Variants in OLFML2B observed in about 807,000 individuals in gnomAD.
The protein encoded by OLFML2B is olfactomedin like 2B, also known as olfactomedin-like protein 2B.
A neutral mutation model predicts 74.9 loss-of-function variants in OLFML2B; 57 were observed. The observed-to-expected ratio is 0.76, with a 90% CI of 0.61 to 0.95. The LOEUF (loss-of-function observed/expected upper bound fraction) is 0.95, where lower values mean the gene tolerates loss of function less well. OLFML2B is among the 40% of genes least tolerant of loss of function. OLFML2B has a pLI of 0.00. For missense variants in OLFML2B, 986 were observed against 970.6 expected (o/e 1.02, Z -0.21); for synonymous variants, 388 against 405.8 (o/e 0.96, Z 0.53).
At chr1:162,000,453 G>T in intron 4 of OLFML2B, 115 bp from the exon 5 acceptor site, 1 of 721,994 alleles carries the variant, frequency 1.4e-6, no homozygotes, top group Non-Finnish European at 2.3e-6. Flanking sequence ...CTTCCGAAGA[G>T]CCAGGCACTG....
chr1:162,016,489 C>T (rs1690541027), intron 3 of OLFML2B, among the ~76,000 whole-genome samples: 1 of 152,182 alleles, frequency 6.6e-6, no homozygotes, highest in South Asian at 2.1e-4. Context: ...GATATGTTTA[C>T]AGTCATTGTG....
At chr1:162,004,880 C>T (rs1690177342) in intron 4 of OLFML2B, among the ~76,000 whole-genome samples, 1 of 152,232 alleles carries the variant, frequency 6.6e-6, no homozygotes, top group African/African-American at 2.4e-5. Flanking sequence ...GGAACCCACT[C>T]CCTGGGCACC....
At chr1:161,994,829 T>C (rs1275290858) in intron 6 of OLFML2B, among the ~76,000 whole-genome samples, 2 of 152,180 alleles carry the variant, frequency 1.3e-5, no homozygotes, top group African/African-American at 2.4e-5. Flanking sequence ...AGGATAATGG[T>C]AGACATTTTA....
At chr1:161,998,845 C>T (rs141867595) in intron 5 of OLFML2B, among the ~76,000 whole-genome samples, 36 of 152,298 alleles carry the variant, frequency 2.4e-4, no homozygotes, top group Non-Finnish European at 1.6e-4. Flanking sequence ...GGAAGGGAAA[C>T]TTGCAGAGAA....
Position 162,023,375 on chromosome 1 carries a change from C to T in OLFML2B, c.56G>A (p.Trp19Ter). 1 of 1,603,964 alleles carries T rather than the reference C, an allele frequency of 6.2e-7. No individual in the cohort carries two copies. The highest frequency in any genetic ancestry group is 8.5e-7 in the Non-Finnish European group (1 of 1,174,116). ...LYFALIVVPA[W>*]VSSIVLTGTS... ...CCCTGTGAGGACAATGCTGGACACC[C>T]AGGCCGGAACCACAATCAGAGCGAA... is the stretch of plus-strand genomic sequence containing the variant. The change falls in exon 1 of 8, where the codon TGG (tryptophan) becomes TAG (stop). Residue 19 changes from tryptophan to a stop codon, truncating the protein, a stop_gained. Coordinates refer to ENST00000294794, the MANE Select transcript of OLFML2B (RefSeq NM_015441.3). LOFTEE classifies it high-confidence loss of function.
At position 161,984,904 on chromosome 1, in the gene OLFML2B, C is replaced by T. The variant is rs1481045203; in HGVS notation, c.1551G>A (p.Trp517Ter). The T allele has an allele frequency of 1.9e-6, 3 of 1,612,154 alleles. No individual in the cohort carries two copies. Among genetic ancestry groups the T allele is most frequent in the East Asian group, 2.2e-5 (1 of 44,808 alleles). ...CATCCTTGGCCAGGGGGTCCTTCAT[C>T]CAGGCCCCTTCATTCCGCCCATATG... is the stretch of plus-strand genomic sequence containing the variant. ...QNTYGRNEGA[W>*]MKDPLAKDER... is the part of the protein sequence containing the mutation. Residue 517 changes from tryptophan (W) to a stop codon, truncating the protein, a stop_gained, in exon 7 of 8, where the codon TGG (tryptophan) becomes TGA (stop). Coordinates refer to ENST00000294794, the MANE Select transcript of OLFML2B (RefSeq NM_015441.3). LOFTEE classifies it high-confidence loss of function.
chr1:162,002,248 C>A (rs1271525736), intron 4 of OLFML2B, among the ~76,000 whole-genome samples: 1 of 152,222 alleles, frequency 6.6e-6, no homozygotes, highest in Non-Finnish European at 1.5e-5. Flanking sequence ...CCCTGCTCTC[C>A]CCAGGACTCC....
At chr1:162,018,708 C>T (rs906260864) in intron 2 of OLFML2B, among the ~76,000 whole-genome samples, 6 of 152,166 alleles carry the variant, frequency 3.9e-5, no homozygotes, top group African/African-American at 4.8e-5. Context: ...ATGATGAGGG[C>T]CAGTTCTTGG....
chr1:161,991,538 C>T (rs906838725), intron 6 of OLFML2B, among the ~76,000 whole-genome samples: 20 of 152,130 alleles, frequency 1.3e-4, no homozygotes, highest in African/African-American at 4.8e-4. Context: ...AGTTTGAGAC[C>T]AGCCTGGCCA....
intron 6 of OLFML2B, among the ~76,000 whole-genome samples, chr1:161,987,399 A>G (rs1689619608): frequency 6.6e-6 from 1 of 152,208 alleles, no homozygotes; most frequent in African/African-American, 2.4e-5. Context: ...GTCCTATTGA[A>G]TAAATACAGT....
At chr1:161,986,337 C>A (rs1201740478) in intron 6 of OLFML2B, among the ~76,000 whole-genome samples, 1 of 152,222 alleles carries the variant, frequency 6.6e-6, no homozygotes, top group Non-Finnish European at 1.5e-5. Context: ...CTACTCTGCT[C>A]CCCGCAGTGG....
chr1:161,986,770 G>A (rs1246667792), intron 6 of OLFML2B, among the ~76,000 whole-genome samples: 1 of 152,206 alleles, frequency 6.6e-6, no homozygotes, highest in Admixed American at 6.5e-5. Context: ...CTCACCATGA[G>A]GATTGCCATC....
intron 2 of OLFML2B, among the ~76,000 whole-genome samples, chr1:162,018,412 T>C (rs1442855147): frequency 6.6e-6 from 1 of 152,198 alleles, no homozygotes; most frequent in African/African-American, 2.4e-5. Flanking sequence ...TACATGTCAA[T>C]ACCCTGAGGA....
At chr1:162,012,642 C>A (rs1044856807) in intron 3 of OLFML2B, among the ~76,000 whole-genome samples, 10 of 152,326 alleles carry the variant, frequency 6.6e-5, no homozygotes, top group Middle Eastern at 3.4e-3. Flanking sequence ...GAAAGAGATA[C>A]ACACACCAGA....
chr1:161,984,273 CGA>C lies in OLFML2B; in HGVS notation c.1653_1654del (p.Arg552LeufsTer51). On this transcript the variant is annotated frameshift_variant and splice_region_variant, in exon 8 of 8. Coordinates refer to ENST00000294794, the MANE Select transcript of OLFML2B (RefSeq NM_015441.3). LOFTEE classifies it high-confidence loss of function. ...CGGGAGCTTGTAGGAATTGCTCCAG[CGA>C]CCTGCAGGTGGGGAGAAAACAGGAG... 1 of 1,518,056 alleles carries C rather than the reference CGA, an allele frequency of 6.6e-7. No individual in the cohort carries two copies. The highest frequency in any genetic ancestry group is 8.8e-7 in the Non-Finnish European group (1 of 1,133,888). The allele number at this position is 1,518,056 out of a possible 1,614,324, so 94.0% of individuals were successfully genotyped here. A position where few individuals can be genotyped will look rare whatever the true frequency, so the allele number is the denominator to read the frequency against.
chr1:162,014,496 C>T (rs1690477778), intron 3 of OLFML2B, among the ~76,000 whole-genome samples: 1 of 152,200 alleles, frequency 6.6e-6, no homozygotes, highest in Admixed American at 6.5e-5. Context: ...TCCAATCTGA[C>T]CCCTTTTTTG....
rs201844846 is a variant in OLFML2B at position 161,984,823 on chromosome 1, G to A, written c.1632C>T (p.Asn544=). Residue 544 remains asparagine (N), a synonymous_variant, in exon 7 of 8, where the codon AAC becomes AAT. Transcript: ENST00000294794. ...ATGTACCTTGTTTGAAGTTCTCCAG[G>A]TTCCGGAACTCTACCAGGGTGTTGC... ...YYGNTLVEFR[N]LENFKQGRWS... 5.7e-4 allele frequency: 913 copies of A among 1,613,440 alleles called. 1 individual carries two copies. Among genetic ancestry groups the A allele is most frequent in the Non-Finnish European group, 7.5e-4 (887 of 1,179,880 alleles).
chr1:162,020,532 C>CT (rs371188572), intron 1 of OLFML2B, among the ~76,000 whole-genome samples: 5,595 of 145,812 alleles, frequency 0.038, 135 homozygotes, highest in African/African-American at 0.068. Flanking sequence ...CTTTCTTTTT[C>CT]TTTTTTTTTT....
chr1:162,019,915 C>T lies in OLFML2B; in HGVS notation c.438+4G>A, dbSNP rs1167286481. 1.2e-6 allele frequency: 2 copies of T among 1,613,984 alleles called. No individual in the cohort carries two copies. Among genetic ancestry groups the T allele is most frequent in the Admixed American group, 1.7e-5 (1 of 60,024 alleles). Reference sequence around the variant, plus strand: ...CCAAGGCATTGCCCCATACCAGGTCCTACCTTCAAGTCCTGGCTGTCTGCC... The same window carrying T: ...CCAAGGCATTGCCCCATACCAGGTCTTACCTTCAAGTCCTGGCTGTCTGCC... On this transcript the variant is annotated splice_donor_region_variant and intron_variant, in intron 2 of 7. Coordinates refer to ENST00000294794, the MANE Select transcript of OLFML2B (RefSeq NM_015441.3).
Sources: allele counts gnomAD v4.1 joint callset (sites outside exome capture counted in the v4.1 genomes callset), GRCh38; gene constraint gnomAD v4.1.1; transcripts MANE v1.5; gene names NCBI Gene and HGNC (gene_info 2026-07-23, HGNC 2026-07-21).